Variants in NOTCH2NLA observed in about 807,000 individuals in gnomAD.
NOTCH2NLA encodes notch 2 N-terminal like A, also known as notch homolog 2 N-terminal-like protein A.
intron 1 of NOTCH2NLA, among the ~76,000 whole-genome samples, chr1:146,223,724 CTCCTTAATTAATTA>C (rs1664126026): frequency 2.6e-5 from 1 of 38,570 alleles, no homozygotes; most frequent in East Asian, 7.0e-4. Flanking sequence ...ATTTCAGCCA[CTCCTTAATTAATTA>C]AAAGAGATAG....
intron 1 of NOTCH2NLA, 155 bp downstream of exon 1, chr1:146,228,554 C>A (rs587616448): frequency 2.4e-6 from 2 of 847,884 alleles, no homozygotes; most frequent in Admixed American, 6.4e-5. Context: ...GGGCCCCCGG[C>A]GATGTCCAAA....
chr1:146,159,437 AAGAAAGAAAG>A (rs1341185166), intron 3 of NOTCH2NLA, among the ~76,000 whole-genome samples: 203 of 147,812 alleles, frequency 1.4e-3, no homozygotes, highest in Middle Eastern at 6.9e-3. Flanking sequence ...GAAAGAAAGA[AAGAAAGAAAG>A]AGAAAGAAAG....
chr1:146,159,387 A>AAGAG (rs1189170436), intron 3 of NOTCH2NLA, among the ~76,000 whole-genome samples: 31 of 116,322 alleles, frequency 2.7e-4, no homozygotes, highest in South Asian at 6.0e-4. Flanking sequence ...GGAAGAGAGA[A>AAGAG]AGAGAGAGAA....
Position 146,228,850 on chromosome 1 carries a change from C to T in NOTCH2NLA, c.-186G>A, listed in dbSNP as rs782205472. 14 of 1,491,836 alleles carry T rather than the reference C, an allele frequency of 9.4e-6. No individual in the cohort carries two copies. The African/African-American group carries it at 1.9e-4, about 21-fold the overall frequency. 92.4% of individuals were successfully genotyped at this position (1,491,836 alleles called of 1,614,324 possible). ...GCAGATCCACATGGGGAGGGGGTCC[C>T]GATAGAGGAGCCCCACTCTCTCCTC... On this transcript the variant is annotated 5_prime_UTR_variant, in exon 1 of 5. Coordinates refer to ENST00000362074, the Ensembl canonical transcript of NOTCH2NLA.
At chr1:146,172,822 C>A (rs2466815) in intron 2 of NOTCH2NLA, among the ~76,000 whole-genome samples, 4 of 127,632 alleles carry the variant, frequency 3.1e-5, no homozygotes, top group Admixed American at 2.5e-4. Flanking sequence ...GTGGGGAAGA[C>A]CCTGTCTTGA....
Position 146,219,806 on chromosome 1 carries a change from AAT to A in NOTCH2NLA, c.-45+8901_-45+8902del, listed in dbSNP as rs374296452. 9.0e-5 allele frequency among the ~76,000 whole-genome samples: 8 copies of A among 88,588 alleles called. 1 individual carries two copies. The highest frequency in any genetic ancestry group is 4.9e-4 in the Admixed American group (4 of 8,126). The allele number at this position is 88,588 out of a possible 152,430, so 58.1% of individuals were successfully genotyped here. On this transcript the variant is annotated intron_variant, in intron 1 of 4. Transcript: ENST00000362074. ...ATCTGTTCATAAACTAAAAAAAAAAAATATATATATATATATAAATAAATCAA... is the reference window on the plus strand; with the variant it reads ...ATCTGTTCATAAACTAAAAAAAAAAAATATATATATATATAAATAAATCAA...
At chr1:146,174,423 T>C (rs1553807668) in intron 2 of NOTCH2NLA, among the ~76,000 whole-genome samples, 1 of 135,176 alleles carries the variant, frequency 7.4e-6, no homozygotes, top group South Asian at 2.3e-4. Flanking sequence ...TTTTTTTTTT[T>C]TAAAACGAGG....
intron 3 of NOTCH2NLA, among the ~76,000 whole-genome samples, chr1:146,158,193 T>C (rs1161293530): frequency 1.3e-5 from 2 of 151,564 alleles, no homozygotes; most frequent in South Asian, 2.1e-4. Flanking sequence ...TACTTTAAGT[T>C]CTAGGGTACA....
At chr1:146,153,785 T>C (rs1233141856), downstream of NOTCH2NLA, 4 of 151,440 alleles carry the variant, frequency 2.6e-5, no homozygotes, top group Non-Finnish European at 5.9e-5. Flanking sequence ...GAGAATATTT[T>C]CTGAACTCCA....
At chr1:146,180,312 T>A (rs1254505253) in intron 2 of NOTCH2NLA, among the ~76,000 whole-genome samples, 1 of 143,198 alleles carries the variant, frequency 7.0e-6, no homozygotes, top group Non-Finnish European at 1.6e-5. Context: ...TATAGTTGAA[T>A]GTGTTCACTG....
chr1:146,228,934 T>A, exon 1 of NOTCH2NLA: 1 of 1,459,172 alleles, frequency 6.9e-7, no homozygotes, highest in Non-Finnish European at 9.0e-7. Flanking sequence ...CCAGCGCAAA[T>A]GCCTCGACTC....
At chr1:146,162,501 G>A (rs1661561397) in intron 3 of NOTCH2NLA, among the ~76,000 whole-genome samples, 1 of 102,706 alleles carries the variant, frequency 9.7e-6, no homozygotes, top group Admixed American at 1.0e-4. Flanking sequence ...GAGTCAGTGG[G>A]CTGGGGAAGG....
chr1:146,228,965 C>A, exon 1 of NOTCH2NLA: 1 of 1,434,188 alleles, frequency 7.0e-7, no homozygotes, highest in South Asian at 1.4e-5. Flanking sequence ...GAGTCCGCCG[C>A]TCCTCGGCCG....
intron 2 of NOTCH2NLA, among the ~76,000 whole-genome samples, chr1:146,171,651 C>T (rs1225662877): frequency 8.4e-6 from 1 of 119,280 alleles, no homozygotes; most frequent in Non-Finnish European, 2.0e-5. Context: ...ACCTCCTGAT[C>T]TGGACACTAT....
At position 146,187,797 on chromosome 1, in the gene NOTCH2NLA, T is replaced by G. The variant is rs1349729954; in HGVS notation, c.38+1503A>C. Among the ~76,000 whole-genome samples, 7 of 136,622 alleles carry G rather than the reference T, an allele frequency of 5.1e-5. 1 individual carries two copies. The highest frequency in any genetic ancestry group is 1.7e-4 in the African/African-American group (7 of 40,296). 89.6% of individuals were successfully genotyped at this position (136,622 alleles called of 152,430 possible). A position where few individuals can be genotyped will look rare whatever the true frequency, so the allele number is the denominator to read the frequency against. On this transcript the variant is annotated intron_variant, in intron 2 of 4. Transcript: ENST00000362074. Reference sequence around the variant, plus strand: ...ACTCTAAGGTATTAAGTTCCCTCCCTTATTATCTCCAGTTGTATCTCCATT... The same window carrying G: ...ACTCTAAGGTATTAAGTTCCCTCCCGTATTATCTCCAGTTGTATCTCCATT...
Position 146,188,743 on chromosome 1 carries a change from A to AT in NOTCH2NLA, c.38+556dup, listed in dbSNP as rs61636507. 3.3e-4 allele frequency among the ~76,000 whole-genome samples: 5 copies of AT among 14,996 alleles called. 1 individual carries two copies. The highest frequency in any genetic ancestry group is 1.0e-3 in the East Asian group (1 of 974). 9.8% of individuals were successfully genotyped at this position (14,996 alleles called of 152,430 possible). A position where few individuals can be genotyped will look rare whatever the true frequency, so the allele number is the denominator to read the frequency against. On this transcript the variant is annotated intron_variant, in intron 2 of 4. Coordinates refer to ENST00000362074, the Ensembl canonical transcript of NOTCH2NLA. Reference sequence around the variant, plus strand: ...AAGGGAATCTAATATACATTTTTTTATTTTTTTTTATTTCTTTTTGAGACG... The same window carrying AT: ...AAGGGAATCTAATATACATTTTTTTATTTTTTTTTTATTTCTTTTTGAGACG...
At chr1:146,228,607 C>G in intron 1 of NOTCH2NLA, 102 bp downstream of exon 1, 1 of 1,410,096 alleles carries the variant, frequency 7.1e-7, no homozygotes, top group Non-Finnish European at 9.3e-7. Flanking sequence ...CGCCGGCGGC[C>G]GAGCCTGGCC....
intron 2 of NOTCH2NLA, among the ~76,000 whole-genome samples, chr1:146,183,326 CTTGAG>C (rs1293971219): frequency 5.0e-5 from 7 of 140,002 alleles, no homozygotes; most frequent in African/African-American, 7.4e-5. Flanking sequence ...CTACCACAGA[CTTGAG>C]TTATCTATTA....
intron 1 of NOTCH2NLA, among the ~76,000 whole-genome samples, chr1:146,200,428 A>G (rs1205767019): frequency 4.5e-4 from 10 of 22,402 alleles, no homozygotes; most frequent in African/African-American, 2.4e-3. Context: ...GCCTGAGAAA[A>G]AAAAAAAAAA....
Sources: allele counts gnomAD v4.1 joint callset (sites outside exome capture counted in the v4.1 genomes callset), GRCh38; gene constraint gnomAD v4.1.1; transcripts MANE v1.5; gene names NCBI Gene and HGNC (gene_info 2026-07-23, HGNC 2026-07-21).